ADAMTS19: variants seen among roughly 807,000 people sequenced by gnomAD.
ADAMTS19 encodes ADAM metallopeptidase with thrombospondin type 1 motif 19.
ADAMTS19 carries 93 observed loss-of-function variants against 153.3 expected under a neutral mutation model. The ratio of observed to expected loss-of-function variants is 0.61; its 90% CI spans 0.51 to 0.72. The LOEUF is 0.72. Among genes scored for constraint, ADAMTS19 ranks in the 30% least tolerant of loss-of-function variants. The pLI is 0.00. For synonymous variants in ADAMTS19, 600 were observed against 556.6 expected (o/e 1.08, Z -1.10); for missense variants, 1,482 against 1,552.1 (o/e 0.95, Z 0.76).
At chr5:129,462,616 T>TGTGG (rs1050565726) in intron 2 of ADAMTS19, among the ~76,000 whole-genome samples, 3 of 148,870 alleles carry the variant, frequency 2.0e-5, no homozygotes, top group Non-Finnish European at 3.0e-5. Context: ...TGTGTGTGTG[T>TGTGG]GGGGGGGTCA....
chr5:129,688,154 A>C (rs1755174006), intron 18 of ADAMTS19: 1 of 152,214 alleles, frequency 6.6e-6, no homozygotes, highest in Non-Finnish European at 1.5e-5. Context: ...ACTTCATATC[A>C]TCGATTTTAT....
intron 10 of ADAMTS19, among the ~76,000 whole-genome samples, chr5:129,635,557 A>G (rs1752496641): frequency 6.6e-6 from 1 of 152,212 alleles, no homozygotes; most frequent in South Asian, 2.1e-4. Context: ...CATATACATC[A>G]TGGAATACTA....
At chr5:129,517,630 C>G (rs1338949361) in intron 3 of ADAMTS19, among the ~76,000 whole-genome samples, 1 of 151,770 alleles carries the variant, frequency 6.6e-6, no homozygotes, top group South Asian at 2.1e-4. Flanking sequence ...TTTTATTGGC[C>G]TGGCATATCT....
intron 7 of ADAMTS19, among the ~76,000 whole-genome samples, chr5:129,582,236 C>G (rs1749551154): frequency 6.7e-6 from 1 of 150,012 alleles, no homozygotes; most frequent in Non-Finnish European, 1.5e-5. Flanking sequence ...GTCTAAGACT[C>G]TTTGTAAGTC....
intron 3 of ADAMTS19, among the ~76,000 whole-genome samples, chr5:129,514,797 T>A (rs531954547): frequency 6.6e-6 from 1 of 152,206 alleles, no homozygotes; most frequent in South Asian, 2.1e-4. Context: ...CTTGATGTGA[T>A]CCCATTTGTT....
intron 12 of ADAMTS19, 129 bp downstream of exon 12, chr5:129,648,024 C>A: frequency 1.0e-6 from 1 of 978,706 alleles, no homozygotes; most frequent in Non-Finnish European, 1.4e-6. Context: ...ACAGAAAAGT[C>A]CTTCAAATTA....
chr5:129,635,216 C>G (rs1002411747), intron 10 of ADAMTS19, among the ~76,000 whole-genome samples: 1 of 152,194 alleles, frequency 6.6e-6, no homozygotes, highest in Non-Finnish European at 1.5e-5. Flanking sequence ...AATACTGTCT[C>G]ACACTAGTCA....
intron 7 of ADAMTS19, among the ~76,000 whole-genome samples, chr5:129,592,119 T>C (rs910369512): frequency 1.1e-4 from 16 of 152,182 alleles, no homozygotes; most frequent in African/African-American, 3.9e-4. Flanking sequence ...GGCTCACGTT[T>C]GTAATCCCAG....
intron 16 of ADAMTS19, among the ~76,000 whole-genome samples, chr5:129,674,262 T>C (rs577165904): frequency 2.0e-5 from 3 of 152,316 alleles, no homozygotes; most frequent in Admixed American, 6.5e-5. Flanking sequence ...ATCCATTTTT[T>C]TTAATATTTA....
chr5:129,714,425 C>CAAAAAAAAA (rs397949658), intron 21 of ADAMTS19, among the ~76,000 whole-genome samples: 1 of 98,212 alleles, frequency 1.0e-5, no homozygotes, highest in African/African-American at 4.3e-5. Context: ...GACTCCGTCT[C>CAAAAAAAAA]AAAAAAAAAA....
At chr5:129,545,153 A>C (rs1752809591) in intron 6 of ADAMTS19, among the ~76,000 whole-genome samples, 2 of 151,742 alleles carry the variant, frequency 1.3e-5, no homozygotes, top group African/African-American at 2.4e-5. Context: ...CCACCTAATT[A>C]AAAAAAATAA....
chr5:129,738,181 C>T lies in ADAMTS19; in HGVS notation c.*963C>T, dbSNP rs749096595. On this transcript the variant is annotated 3_prime_UTR_variant, in exon 23 of 23. Coordinates refer to ENST00000274487, the MANE Select transcript of ADAMTS19 (RefSeq NM_133638.6). ...AACAGAAAGCATATAATACGGTGGT[C>T]GTTTCATTGTGTTTTTCTTCCTTTT... The T allele has an allele frequency of 7.2e-5, 11 of 151,992 alleles. No individual in the cohort carries two copies. Among genetic ancestry groups the T allele is most frequent in the Non-Finnish European group, 1.5e-4 (10 of 67,928 alleles). 9.4% of individuals were successfully genotyped at this position (151,992 alleles called of 1,614,324 possible). A position where few individuals can be genotyped will look rare whatever the true frequency, so the allele number is the denominator to read the frequency against.
chr5:129,549,143 T>C (rs1319145607), intron 6 of ADAMTS19, among the ~76,000 whole-genome samples: 1 of 150,408 alleles, frequency 6.6e-6, no homozygotes, highest in Non-Finnish European at 1.5e-5. Flanking sequence ...AACCTGCACA[T>C]TGTGCACATG....
Position 129,620,057 on chromosome 5 carries a change from G to A in ADAMTS19, c.1479-561G>A, listed in dbSNP as rs116292725. Among the ~76,000 whole-genome samples the A allele has an allele frequency of 7.1e-3, 1,085 of 151,862 alleles. 17 individuals carry two copies. Among genetic ancestry groups the A allele is most frequent in the African/African-American group, 0.025 (1,043 of 41,458 alleles). On this transcript the variant is annotated intron_variant, in intron 8 of 22. Transcript: ENST00000274487. ...AGAACATCTATTTAGAAATAAGTCC[G>A]ACTTTTAGAATAGAATTTCAACAGA...
intron 2 of ADAMTS19, among the ~76,000 whole-genome samples, chr5:129,485,694 T>G (rs961284134): frequency 2.6e-5 from 4 of 152,172 alleles, no homozygotes; most frequent in African/African-American, 9.6e-5. Flanking sequence ...AGTTTACAAC[T>G]TTGGATAAAA....
Position 129,554,467 on chromosome 5 carries a change from G to C in ADAMTS19, c.1372+2560G>C, listed in dbSNP as rs75366051. On this transcript the variant is annotated intron_variant, in intron 7 of 22. Transcript: ENST00000274487. ...TATTTGCCTCAACAAGCTGAAAAAG[G>C]TAGAATTTTTGATGGTTAGAGCTTG... is the stretch of plus-strand genomic sequence containing the variant. Among the ~76,000 whole-genome samples, 213 of 152,200 alleles carry C rather than the reference G, an allele frequency of 1.4e-3. 3 individuals carry two copies. The East Asian group carries it at 0.026, about 18-fold the overall frequency.
At chr5:129,506,270 A>G (rs538342413) in intron 2 of ADAMTS19, among the ~76,000 whole-genome samples, 75 of 152,278 alleles carry the variant, frequency 4.9e-4, no homozygotes, top group African/African-American at 1.8e-3. Context: ...CCAGAAAGAA[A>G]GTTCATGGTA....
chr5:129,639,570 C>T (rs528623985), intron 10 of ADAMTS19, among the ~76,000 whole-genome samples: 41 of 152,214 alleles, frequency 2.7e-4, no homozygotes, highest in South Asian at 2.1e-4. Context: ...GAGTACCTGC[C>T]GTTTCAAATA....
intron 10 of ADAMTS19, among the ~76,000 whole-genome samples, chr5:129,629,346 G>T: frequency 6.6e-6 from 1 of 152,008 alleles, no homozygotes; most frequent in East Asian, 1.9e-4. Context: ...GCATCCTTAT[G>T]ACCAGCTCAT....
Sources: allele counts gnomAD v4.1 joint callset (sites outside exome capture counted in the v4.1 genomes callset), GRCh38; gene constraint gnomAD v4.1.1; transcripts MANE v1.5; gene names NCBI Gene and HGNC (gene_info 2026-07-23, HGNC 2026-07-21).